CSMD1: variants seen among roughly 807,000 people sequenced by gnomAD.
The protein encoded by CSMD1 is CUB and Sushi multiple domains 1, also known as CUB and sushi domain-containing protein 1.
In CSMD1, 213 loss-of-function variants were observed where a neutral mutation model predicts 417.5. The observed-to-expected ratio is 0.51, with a 90% CI of 0.46 to 0.57. The LOEUF (loss-of-function observed/expected upper bound fraction) is 0.57. CSMD1 is among the 20% of genes least tolerant of loss of function. CSMD1 has a pLI of 0.00. For synonymous variants in CSMD1, 2,862 were observed against 1,736.8 expected (o/e 1.65, Z -16.11); for missense variants, 6,923 against 4,529.7 (o/e 1.53, Z -15.17).
chr8:4,708,565 T>C (rs762660101), intron 1 of CSMD1, among the ~76,000 whole-genome samples: 6 of 152,190 alleles, frequency 3.9e-5, no homozygotes, highest in South Asian at 2.1e-4. Flanking sequence ...CCAGGTAATA[T>C]TGTATCTTTG....
chr8:4,748,651 T>G (rs1224549833), intron 1 of CSMD1, among the ~76,000 whole-genome samples: 1 of 152,252 alleles, frequency 6.6e-6, no homozygotes, highest in Non-Finnish European at 1.5e-5. Context: ...GTCTCCAGAA[T>G]TTAAATTTTT....
At chr8:3,869,983 A>G (rs570474213) in intron 5 of CSMD1, among the ~76,000 whole-genome samples, 45 of 152,320 alleles carry the variant, frequency 3.0e-4, no homozygotes, top group Middle Eastern at 3.4e-3. Flanking sequence ...TTACAATAAT[A>G]ATACATAACT....
chr8:3,303,414 G>A (rs530707649), intron 25 of CSMD1, among the ~76,000 whole-genome samples: 83 of 152,290 alleles, frequency 5.5e-4, no homozygotes, highest in African/African-American at 1.8e-3. Context: ...CACCAGGGTC[G>A]TCAAACCACA....
At chr8:3,722,414 A>G (rs1228318036) in intron 6 of CSMD1, among the ~76,000 whole-genome samples, 2 of 152,226 alleles carry the variant, frequency 1.3e-5, no homozygotes, top group Admixed American at 6.5e-5. Context: ...AAATCAACAT[A>G]TAATTAAACT....
intron 7 of CSMD1, among the ~76,000 whole-genome samples, chr8:3,695,105 T>TGC (rs1268909921): frequency 1.3e-5 from 2 of 151,694 alleles, no homozygotes; most frequent in East Asian, 3.9e-4. Context: ...TGTGTGTGTG[T>TGC]GTGTGTGTGT....
At chr8:4,148,425 G>C (rs960118989) in intron 3 of CSMD1, among the ~76,000 whole-genome samples, 1 of 151,634 alleles carries the variant, frequency 6.6e-6, no homozygotes, top group Middle Eastern at 3.4e-3. Context: ...GTTAAATGAT[G>C]AGTTAATTCC....
rs1364663812 is a variant in CSMD1 at position 3,358,142 on chromosome 8, CT to C, written c.3304+1009del. ...TGAACATGTTTGTGTTTTATATGGA[CT>C]GTTAAATTTTATCTTCAGACCTTCC... On this transcript the variant is annotated intron_variant, in intron 21 of 69. Transcript: ENST00000635120. Among the ~76,000 whole-genome samples, 13 of 152,068 alleles carry C rather than the reference CT, an allele frequency of 8.5e-5. No individual in the cohort carries two copies. The East Asian group carries it at 2.5e-3, about 29-fold the overall frequency.
intron 7 of CSMD1, among the ~76,000 whole-genome samples, chr8:3,707,750 C>A (rs1047881147): frequency 6.6e-6 from 1 of 152,102 alleles, no homozygotes; most frequent in Non-Finnish European, 1.5e-5. Context: ...GACAAAGGGC[C>A]CTTCTGGCAG....
At chr8:4,186,668 G>C (rs1798695971) in intron 3 of CSMD1, among the ~76,000 whole-genome samples, 1 of 151,956 alleles carries the variant, frequency 6.6e-6, no homozygotes, top group African/African-American at 2.4e-5. Flanking sequence ...CCCAAAATCA[G>C]TATATTTGTT....
At chr8:4,284,241 G>A (rs1465336040) in intron 3 of CSMD1, among the ~76,000 whole-genome samples, 7 of 152,102 alleles carry the variant, frequency 4.6e-5, no homozygotes, top group African/African-American at 1.4e-4. Flanking sequence ...GGTGGCACGT[G>A]CCTGTAATGT....
chr8:3,429,066 A>G (rs1814040499), intron 12 of CSMD1, among the ~76,000 whole-genome samples: 2 of 152,134 alleles, frequency 1.3e-5, no homozygotes, highest in African/African-American at 4.8e-5. Context: ...GGGAGAGATG[A>G]GTTAACAGGT....
chr8:3,565,321 G>A (rs959476600), intron 10 of CSMD1, among the ~76,000 whole-genome samples: 7 of 148,420 alleles, frequency 4.7e-5, no homozygotes, highest in African/African-American at 1.8e-4. Flanking sequence ...TGGGAGAAAA[G>A]TGAACAGGGC....
chr8:4,050,205 C>A (rs1342423611), intron 3 of CSMD1, among the ~76,000 whole-genome samples: 1 of 152,020 alleles, frequency 6.6e-6, no homozygotes, highest in Non-Finnish European at 1.5e-5. Context: ...GATCACTTGG[C>A]TAGGGTCGTG....
At chr8:3,827,484 G>C (rs1369361067) in intron 5 of CSMD1, among the ~76,000 whole-genome samples, 2 of 152,122 alleles carry the variant, frequency 1.3e-5, no homozygotes, top group Admixed American at 6.5e-5. Flanking sequence ...TCACGACGTG[G>C]TTTTTAACTT....
intron 1 of CSMD1, among the ~76,000 whole-genome samples, chr8:4,777,746 A>G (rs1171686090): frequency 6.6e-6 from 1 of 152,208 alleles, no homozygotes; most frequent in Non-Finnish European, 1.5e-5. Flanking sequence ...TTCAAAATGT[A>G]ATACATGCAC....
At chr8:3,372,487 C>T (rs1298973885) in intron 18 of CSMD1, among the ~76,000 whole-genome samples, 5 of 152,104 alleles carry the variant, frequency 3.3e-5, no homozygotes, top group African/African-American at 1.2e-4. Context: ...GTCAGGACCC[C>T]GAACCAGGGC....
chr8:3,851,376 C>G (rs934188953), intron 5 of CSMD1, among the ~76,000 whole-genome samples: 2 of 152,222 alleles, frequency 1.3e-5, no homozygotes, highest in Non-Finnish European at 2.9e-5. Context: ...CCCTGAACCA[C>G]TTTTGTTATC....
At chr8:3,975,825 T>C (rs1813398613) in intron 5 of CSMD1, among the ~76,000 whole-genome samples, 1 of 152,220 alleles carries the variant, frequency 6.6e-6, no homozygotes, top group Non-Finnish European at 1.5e-5. Context: ...TTCAAATACA[T>C]TCTTCATATA....
chr8:4,089,401 T>A (rs1180281466), intron 3 of CSMD1, among the ~76,000 whole-genome samples: 7 of 152,178 alleles, frequency 4.6e-5, no homozygotes, highest in Non-Finnish European at 1.0e-4. Context: ...AGAAAATTAG[T>A]AAATGGTACA....
Sources: allele counts gnomAD v4.1 joint callset (sites outside exome capture counted in the v4.1 genomes callset), GRCh38; gene constraint gnomAD v4.1.1; transcripts MANE v1.5; gene names NCBI Gene and HGNC (gene_info 2026-07-23, HGNC 2026-07-21).